The following MUC5AC variants were observed in gnomAD, a reference collection of about 807,000 sequenced individuals.
MUC5AC encodes mucin 5AC, oligomeric mucus/gel-forming, also known as mucin-5AC.
MUC5AC carries 158 observed loss-of-function variants against 169.7 expected under a neutral mutation model. The ratio of observed to expected loss-of-function variants is 0.93; its 90% CI spans 0.82 to 1.06. The LOEUF (loss-of-function observed/expected upper bound fraction) is 1.06, where lower values mean the gene tolerates loss of function less well. Ranked by LOEUF, MUC5AC falls within the 50% of genes least tolerant of loss-of-function variation. The pLI is 0.00. For synonymous variants in MUC5AC, 1,975 were observed against 1,237.0 expected, an observed-to-expected ratio of 1.60 and a Z score of -12.52; for missense variants, 4,359 against 3,089.9, an observed-to-expected ratio of 1.41 and a Z score of -9.74.
intron 39 of MUC5AC, 37 bp downstream of exon 39, chr11:1,196,757 G>C (rs1361967695): frequency 1.4e-6 from 1 of 733,686 alleles, no homozygotes; most frequent in Admixed American, 1.9e-5. Flanking sequence ...GGTGTGGCAG[G>C]ACTGGGCCTG....
In MUC5AC at chr11:1,181,451, C is replaced by T. The variant is rs1860813347; in HGVS notation, c.4001C>T (p.Pro1334Leu). The T allele has an allele frequency of 2.6e-6, 1 of 387,058 alleles. No homozygotes were observed. Among genetic ancestry groups the T allele is most frequent in the Non-Finnish European group, 4.5e-6 (1 of 221,852 alleles). The allele number at this position is 387,058 out of a possible 1,614,324, so 24.0% of individuals were successfully genotyped here. A position where few individuals can be genotyped will look rare whatever the true frequency, so the allele number is the denominator to read the frequency against. The change falls in exon 30 of 49, where the codon CCC (proline) becomes CTC (leucine). Residue 1334 changes from proline (P) to leucine (L), a missense_variant. Transcript: ENST00000621226. ...VPPTTFSFSTPPLVVSSTHTP... is the reference protein window; with the variant it reads ...VPPTTFSFSTLPLVVSSTHTP... ...CCAACCACCTTCTCCTTCTCCACAC[C>T]CCCGCTTGGTAAGGCAAATGTGGCC...
Position 1,159,042 on chromosome 11 carries a change from C to T in MUC5AC, c.73+970C>T, listed in dbSNP as rs55800337. Among the ~76,000 whole-genome samples the T allele has an allele frequency of 1.9e-3, 284 of 148,600 alleles. 3 individuals carry two copies. Among genetic ancestry groups the T allele is most frequent in the African/African-American group, 6.9e-3 (277 of 40,154 alleles). ...AGGGCGGAGCTGGGGCTGGGGTCTG[C>T]GGGGGCTTAGAAGGTGGGGGCAGGC... On this transcript the variant is annotated intron_variant, in intron 1 of 48. Coordinates refer to ENST00000621226, the MANE Select transcript of MUC5AC (RefSeq NM_001304359.2).
chr11:1,198,236 G>A (rs186558505), intron 42 of MUC5AC, 32 bp from the exon 43 acceptor site: 29 of 741,214 alleles, frequency 3.9e-5, no homozygotes, highest in Non-Finnish European at 5.9e-5. Context: ...GTGGGCGGCG[G>A]GGGGTGCAGC....
Position 1,182,849 on chromosome 11 carries a change from C to T in MUC5AC, c.4704C>T (p.Thr1568=). ...PGTSVVSSKP[T]PTEPSTSSCL... is the part of the protein sequence containing the mutation. ...CCTCTGTGGTCTCCAGCAAGCCCACCCCCACGGAGCCCAGCACATCCTCCT... is the reference window on the plus strand; with the variant it reads ...CCTCTGTGGTCTCCAGCAAGCCCACTCCCACGGAGCCCAGCACATCCTCCT... Residue 1568 remains threonine, a synonymous_variant, in exon 31 of 49, where the codon ACC becomes ACT. Transcript: ENST00000621226. 5.0e-6 allele frequency: 2 copies of T among 398,504 alleles called. No individual in the cohort carries two copies. The highest frequency in any genetic ancestry group is 8.8e-6 in the Non-Finnish European group (2 of 226,036). 24.7% of individuals were successfully genotyped at this position (398,504 alleles called of 1,614,324 possible). A position where few individuals can be genotyped will look rare whatever the true frequency, so the allele number is the denominator to read the frequency against.
At chr11:1,180,261 G>T (rs2133749637) in intron 27 of MUC5AC, 93 bp from the exon 28 acceptor site, 1 of 398,620 alleles carries the variant, frequency 2.5e-6, no homozygotes, top group East Asian at 3.6e-5. Context: ...GGTGCTGTCG[G>T]CGAGGCCCGC....
In MUC5AC at chr11:1,194,355, A is replaced by C; in HGVS notation, c.15001A>C (p.Asn5001His). ...CAAGCCAGTCCACGGGGTGATGACAAACGAGGTGGGGGCGCGCCCGGTGTG... is the reference window on the plus strand; with the variant it reads ...CAAGCCAGTCCACGGGGTGATGACACACGAGGTGGGGGCGCGCCCGGTGTG... ...TRKPVHGVMT[N>H]EIIFNNKVVS... The change falls in exon 34 of 49, where the codon AAC (asparagine) becomes CAC (histidine). Residue 5001 changes from asparagine to histidine, a missense_variant. Asn to His is a moderately conservative substitution (Grantham distance 68). Coordinates refer to ENST00000621226, the MANE Select transcript of MUC5AC (RefSeq NM_001304359.2). 2 of 726,974 alleles carry C rather than the reference A, an allele frequency of 2.8e-6. No homozygotes were observed. Among genetic ancestry groups the C allele is most frequent in the East Asian group, 5.1e-5 (2 of 38,960 alleles). 45.0% of individuals were successfully genotyped at this position (726,974 alleles called of 1,614,324 possible).
Position 1,186,196 on chromosome 11 carries a change from C to T in MUC5AC, c.8051C>T (p.Thr2684Ile), listed in dbSNP as rs1287511818. 2 of 751,288 alleles carry T rather than the reference C, an allele frequency of 2.7e-6. No homozygotes were observed. Among genetic ancestry groups the T allele is most frequent in the African/African-American group, 1.7e-5 (1 of 58,754 alleles). The allele number at this position is 751,288 out of a possible 1,614,324, so 46.5% of individuals were successfully genotyped here. ...TSTTSASTTS[T>I]TSASTTSTTS... ...ACAACTTCTGCTTCTACAACCAGCA[C>T]AACCTCTGCTTCTACAACCAGCACA... The change falls in exon 31 of 49, where the codon ACA becomes ATA. Residue 2684 changes from threonine (T) to isoleucine (I), a missense_variant. Transcript: ENST00000621226.
At chr11:1,167,130 C>T (rs997830694) in intron 11 of MUC5AC, among the ~76,000 whole-genome samples, 1 of 140,332 alleles carries the variant, frequency 7.1e-6, no homozygotes, top group African/African-American at 2.6e-5. Context: ...CGATGAGACC[C>T]TGCACCCAAC....
chr11:1,163,257 G>A (rs1026681273), intron 6 of MUC5AC, among the ~76,000 whole-genome samples: 1 of 152,232 alleles, frequency 6.6e-6, no homozygotes, highest in Non-Finnish European at 1.5e-5. Context: ...ATCGCCCATT[G>A]GGCCCCTTGC....
rs1406168432 is a variant in MUC5AC, at chr11:1,162,065, C to T, written c.370C>T (p.Arg124Cys). The T allele has an allele frequency of 5.0e-6, 8 of 1,612,370 alleles. No individual in the cohort carries two copies. The highest frequency in any genetic ancestry group is 2.2e-5 in the East Asian group (1 of 44,886). The change falls in exon 4 of 49, where the codon CGC (arginine) becomes TGC (cysteine). Residue 124 changes from arginine (R) to cysteine (C), a missense_variant. By Grantham distance (180) the Arg-to-Cys change is radical (BLOSUM62 -3). Transcript: ENST00000621226. ...CGAGGATTTTAACATCCAGCTACGC[C>T]GCAGCCAGGAGTCAGCGGCCCCCAC... The part of the protein sequence containing the change: ...AYEDFNIQLR[R>C]SQESAAPTLS...
chr11:1,169,088 T>A (rs1017852255), intron 15 of MUC5AC, 62 bp downstream of exon 15: 2 of 1,483,462 alleles, frequency 1.3e-6, no homozygotes, highest in East Asian at 4.8e-5. Context: ...CCGCTTCCAT[T>A]TGGCACTGCA....
At chr11:1,199,293 GA>G (rs35525357) in intron 45 of MUC5AC, 77 bp from the exon 46 acceptor site, 110,667 of 698,316 alleles carry the variant, frequency 0.16, 10,324 homozygotes, top group Non-Finnish European at 0.19. Context: ...GGACTCTCTG[GA>G]AGCCCACGGG....
In MUC5AC at chr11:1,200,606, C is replaced by G; in HGVS notation, c.16869C>G (p.Gly5623=). The part of the protein sequence containing the change: ...GCMGRRCPAP[G]DTQHSEEAEP... ...TGGGCCGGCGGTGCCCTGCGCCGGG[C>G]GACACCCAGCACTCGGAGGAGGCGG... The change falls in exon 49 of 49, where the codon GGC becomes GGG. Residue 5623 remains glycine (G), a synonymous_variant. Coordinates refer to ENST00000621226, the MANE Select transcript of MUC5AC (RefSeq NM_001304359.2). The G allele has an allele frequency of 2.6e-6, 2 of 764,382 alleles. No individual in the cohort carries two copies. Among genetic ancestry groups the G allele is most frequent in the South Asian group, 1.3e-5 (1 of 74,542 alleles). 47.3% of individuals were successfully genotyped at this position (764,382 alleles called of 1,614,324 possible). A position where few individuals can be genotyped will look rare whatever the true frequency, so the allele number is the denominator to read the frequency against.
chr11:1,194,243 C>T lies in MUC5AC; in HGVS notation c.14889C>T (p.Asp4963=), dbSNP rs1211481492. 5.2e-6 allele frequency: 4 copies of T among 764,878 alleles called. No individual in the cohort carries two copies. Among genetic ancestry groups the T allele is most frequent in the Admixed American group, 1.7e-5 (1 of 58,982 alleles). 47.4% of individuals were successfully genotyped at this position (764,878 alleles called of 1,614,324 possible). A position where few individuals can be genotyped will look rare whatever the true frequency, so the allele number is the denominator to read the frequency against. ...PVYGHFRVLV[D]NYFCGAEDGL... is the part of the protein sequence containing the mutation. ...ATGGCCACTTCCGCGTGCTCGTCGA[C>T]AACTACTTCTGCGGTGCGGAGGACG... is the stretch of plus-strand genomic sequence containing the variant. The change falls in exon 34 of 49, where the codon GAC becomes GAT. Residue 4963 remains aspartate, a synonymous_variant. Coordinates refer to ENST00000621226, the MANE Select transcript of MUC5AC (RefSeq NM_001304359.2).
In MUC5AC at chr11:1,179,101, G is replaced by A; in HGVS notation, c.3337G>A (p.Ala1113Thr). 2 of 578,760 alleles carry A rather than the reference G, an allele frequency of 3.5e-6. No homozygotes were observed. The highest frequency in any genetic ancestry group is 3.7e-4 in the Middle Eastern group (1 of 2,672). The allele number at this position is 578,760 out of a possible 1,614,324, so 35.9% of individuals were successfully genotyped here. Residue 1113 changes from alanine (A) to threonine (T), a missense_variant, in exon 26 of 49, where the codon GCC (alanine) becomes ACC (threonine). Coordinates refer to ENST00000621226, the MANE Select transcript of MUC5AC (RefSeq NM_001304359.2). ...GCCCCGTCTCCCTCAGGTGGAGCCG[G>A]CCAGGTACTACGAGGCCTGCGTGAA... ...FAACHAHVEP[A>T]RYYEACVNDA...
chr11:1,187,229 A>G lies in MUC5AC; in HGVS notation c.9084A>G (p.Thr3028=), dbSNP rs1420899072. The change falls in exon 31 of 49, where the codon ACA becomes ACG. Residue 3028 remains threonine, a synonymous_variant. Coordinates refer to ENST00000621226, the MANE Select transcript of MUC5AC (RefSeq NM_001304359.2). ...TSTTLAPTTS[T]TSAPTTSTTS... Reference sequence around the variant, plus strand: ...CAACCTTAGCTCCTACAACCAGCACAACCTCTGCCCCTACAACCAGCACAA... The same window carrying G: ...CAACCTTAGCTCCTACAACCAGCACGACCTCTGCCCCTACAACCAGCACAA... 1.4e-6 allele frequency: 1 copy of G among 699,756 alleles called. No individual in the cohort carries two copies. The highest frequency in any genetic ancestry group is 2.1e-5 in the Admixed American group (1 of 48,692). 43.3% of individuals were successfully genotyped at this position (699,756 alleles called of 1,614,324 possible). A position where few individuals can be genotyped will look rare whatever the true frequency, so the allele number is the denominator to read the frequency against.
Position 1,199,743 on chromosome 11 carries a change from C to G in MUC5AC, c.16564C>G (p.Pro5522Ala). The change falls in exon 47 of 49, where the codon CCC becomes GCC. Residue 5522 changes from proline to alanine, a missense_variant. Physicochemically the swap from Pro to Ala is conservative, Grantham distance 27 (BLOSUM62 -1). Transcript: ENST00000621226. ...KDGCCRFCPP[P>A]PPPYQNQSTC... ...CGGCTGCTGCCGCTTCTGCCCGCCG[C>G]CCCCGCCCCCGTACCAGAACCGTGA... 1.4e-6 allele frequency: 1 copy of G among 711,602 alleles called. No homozygotes were observed. Among genetic ancestry groups the G allele is most frequent in the Non-Finnish European group, 2.6e-6 (1 of 390,312 alleles). 44.1% of individuals were successfully genotyped at this position (711,602 alleles called of 1,614,324 possible).
chr11:1,163,087 C>A, intron 6 of MUC5AC, 42 bp downstream of exon 6: 1 of 1,571,266 alleles, frequency 6.4e-7, no homozygotes, highest in South Asian at 1.1e-5. Flanking sequence ...TCAGTGTCCC[C>A]TGGGGGCTCA....
chr11:1,180,602 G>C (rs1400455578), intron 28 of MUC5AC, 86 bp downstream of exon 28: 1 of 398,564 alleles, frequency 2.5e-6, no homozygotes, highest in Admixed American at 4.4e-5. Flanking sequence ...GGCTGGGAGC[G>C]GCAGGGCTGG....
Sources: allele counts gnomAD v4.1 joint callset (sites outside exome capture counted in the v4.1 genomes callset), GRCh38; gene constraint gnomAD v4.1.1; transcripts MANE v1.5; gene names NCBI Gene and HGNC (gene_info 2026-07-23, HGNC 2026-07-21).